Variants in GATM observed in about 807,000 individuals in gnomAD.
GATM encodes the protein glycine amidinotransferase, also known as glycine amidinotransferase, mitochondrial.
Under a neutral mutation model 54.2 loss-of-function variants are expected in GATM, and 23 were observed. That is an observed-to-expected ratio of 0.42 (90% CI 0.31 to 0.60). GATM has a LOEUF of 0.60. Ranked by LOEUF, GATM falls within the 20% of genes least tolerant of loss-of-function variation. The pLI is 0.14. For missense variants in GATM, 401 were observed against 544.9 expected (o/e 0.74, Z 2.63); for synonymous variants, 168 against 183.1 (o/e 0.92, Z 0.67).
At chr15:45,370,784 T>G (rs1035139779) in intron 2 of GATM, among the ~76,000 whole-genome samples, 5 of 152,202 alleles carry the variant, frequency 3.3e-5, no homozygotes, top group Non-Finnish European at 1.5e-5. Context: ...TTTGTTTTTG[T>G]TTTTGAGATG....
chr15:45,377,233 T>A (rs779921726), intron 1 of GATM: 1 of 488,962 alleles, frequency 2.0e-6, no homozygotes, highest in Admixed American at 2.1e-5. Context: ...CGGAACCTCC[T>A]TTTCCCTTAA....
intron 3 of GATM, among the ~76,000 whole-genome samples, chr15:45,390,103 C>A (rs1039832200): frequency 6.6e-5 from 10 of 152,172 alleles, no homozygotes; most frequent in Non-Finnish European, 1.2e-4. Flanking sequence ...CCGCCTGCCA[C>A]AGCCTCCCAA....
In GATM at chr15:45,376,834, GAA is replaced by G. The variant is rs1889645748; in HGVS notation, c.70-17_70-16del. The G allele has an allele frequency of 1.9e-6, 3 of 1,607,226 alleles. No homozygotes were observed. The highest frequency in any genetic ancestry group is 2.6e-6 in the Non-Finnish European group (3 of 1,176,096). The stretch of plus-strand genomic sequence containing the variant: ...GTTCGTCCAAGCTTCCAAGAACAAA[GAA>G]AAGATTATTGTATTGCATTGCTCTA... On this transcript the variant is annotated splice_polypyrimidine_tract_variant and intron_variant, in intron 1 of 8. Coordinates refer to ENST00000396659, the MANE Select transcript of GATM (RefSeq NM_001482.3).
At chr15:45,392,166 T>C (rs1172250364) in intron 3 of GATM, among the ~76,000 whole-genome samples, 1 of 152,228 alleles carries the variant, frequency 6.6e-6, no homozygotes, top group East Asian at 1.9e-4. Context: ...TGTTAGCTAC[T>C]GTTGTTATTA....
intron 8 of GATM, among the ~76,000 whole-genome samples, chr15:45,363,298 T>A (rs969281277): frequency 2.0e-5 from 3 of 152,092 alleles, no homozygotes; most frequent in Admixed American, 1.3e-4. Context: ...TTATAATAGC[T>A]CATATGAAAA....
intron 3 of GATM, among the ~76,000 whole-genome samples, chr15:45,394,656 G>T (rs937710991): frequency 2.0e-5 from 3 of 152,188 alleles, no homozygotes; most frequent in African/African-American, 7.2e-5. Flanking sequence ...TAAAGAAGTG[G>T]GACAAAGAAA....
intron 4 of GATM, among the ~76,000 whole-genome samples, chr15:45,367,532 C>A (rs1595483097): frequency 6.6e-6 from 1 of 152,070 alleles, no homozygotes; most frequent in African/African-American, 2.4e-5. Context: ...AAAACTAATT[C>A]ATTATTTATT....
At chr15:45,382,702 A>G (rs1194235055), upstream of GATM, among the ~76,000 whole-genome samples, 2 of 152,152 alleles carry the variant, frequency 1.3e-5, no homozygotes, top group African/African-American at 4.8e-5. Flanking sequence ...CTGAGGCAGG[A>G]GAATTGCTTG....
At chr15:45,382,245 C>T (rs1889750045), upstream of GATM, among the ~76,000 whole-genome samples, 1 of 152,176 alleles carries the variant, frequency 6.6e-6, no homozygotes, top group Admixed American at 6.5e-5. Flanking sequence ...AAACTATTCA[C>T]CTCCTCTAAC....
At chr15:45,378,289 G>T in intron 1 of GATM, 96 bp downstream of exon 1, 1 of 924,936 alleles carries the variant, frequency 1.1e-6, no homozygotes, top group Non-Finnish European at 1.6e-6. Flanking sequence ...GCGAGGGAAG[G>T]TGGCGGCTCC....
At chr15:45,397,281 T>C (rs1291413700) in intron 2 of GATM, 2 of 152,044 alleles carry the variant, frequency 1.3e-5, no homozygotes, top group Non-Finnish European at 2.9e-5. Context: ...TCTTTTGTTC[T>C]ACCAAGGCAA....
Position 45,376,714 on chromosome 15 carries a change from G to C in GATM, c.175C>G (p.Pro59Ala). ...GAGACAGGGCAGTCCTTGGGCAGAGGCTCAGTGGCTTTGTCGTCAGCTGCA... is the reference window on the plus strand; with the variant it reads ...GAGACAGGGCAGTCCTTGGGCAGAGCCTCAGTGGCTTTGTCGTCAGCTGCA... Reference protein sequence around the residue: ...SCAADDKATEPLPKDCPVSSY... With the variant: ...SCAADDKATEALPKDCPVSSY... Residue 59 changes from proline (P) to alanine (A), a missense_variant, in exon 2 of 9, where the codon CCT becomes GCT. Transcript: ENST00000396659. The C allele has an allele frequency of 6.2e-7, 1 of 1,614,196 alleles. No homozygotes were observed. The highest frequency in any genetic ancestry group is 8.5e-7 in the Non-Finnish European group (1 of 1,180,036).
At chr15:45,391,144 C>T (rs1442518486) in intron 3 of GATM, among the ~76,000 whole-genome samples, 1 of 152,100 alleles carries the variant, frequency 6.6e-6, no homozygotes, top group Non-Finnish European at 1.5e-5. Flanking sequence ...GTGGCTCATG[C>T]CTGTAATCCC....
At chr15:45,388,060 C>T (rs1179787109) in intron 3 of GATM, among the ~76,000 whole-genome samples, 1 of 152,104 alleles carries the variant, frequency 6.6e-6, no homozygotes, top group Admixed American at 6.5e-5. Context: ...GTTGCCCAGG[C>T]TGGTCTTGAA....
chr15:45,365,932 G>C, intron 6 of GATM, 114 bp downstream of exon 6: 1 of 977,004 alleles, frequency 1.0e-6, no homozygotes, highest in Non-Finnish European at 1.6e-6. Context: ...GTTGAGTACT[G>C]CTGAATCTGT....
At chr15:45,380,327 G>T (rs971191428), upstream of GATM, among the ~76,000 whole-genome samples, 3 of 151,512 alleles carry the variant, frequency 2.0e-5, no homozygotes, top group Non-Finnish European at 4.4e-5. Flanking sequence ...GCCATAATAT[G>T]GTGAAAGGAG....
chr15:45,378,480 G>C lies in GATM; in HGVS notation c.-27C>G. 7.1e-7 allele frequency: 1 copy of C among 1,418,134 alleles called. No homozygotes were observed. Among genetic ancestry groups the C allele is most frequent in the Non-Finnish European group, 9.2e-7 (1 of 1,091,436 alleles). The allele number at this position is 1,418,134 out of a possible 1,614,324, so 87.8% of individuals were successfully genotyped here. A position where few individuals can be genotyped will look rare whatever the true frequency, so the allele number is the denominator to read the frequency against. On this transcript the variant is annotated 5_prime_UTR_variant, in exon 1 of 9. Coordinates refer to ENST00000396659, the MANE Select transcript of GATM (RefSeq NM_001482.3). ...GCCCTGGCCCGGCTGGTCCACGCGC[G>C]GAATGTTCCTGGCCTCTGGGCCGCG...
chr15:45,388,335 G>A (rs907193813), intron 3 of GATM, among the ~76,000 whole-genome samples: 1 of 152,064 alleles, frequency 6.6e-6, no homozygotes, highest in East Asian at 1.9e-4. Context: ...TACACCCATC[G>A]CCCTGTTTTG....
At position 45,400,903 on chromosome 15, in the gene GATM, C is replaced by T. The variant is rs553505109; in HGVS notation, c.-530+1036G>A. On this transcript the variant is annotated intron_variant, in intron 1 of 4. Coordinates refer to the GATM transcript ENST00000561148. ...TAGAAGGAACTCGATGAGGTACAGG[C>T]TTCTGATAAAATAACTTGATAGGCA... is the stretch of plus-strand genomic sequence containing the variant. Among the ~76,000 whole-genome samples, 5 of 152,284 alleles carry T rather than the reference C, an allele frequency of 3.3e-5. No individual in the cohort carries two copies. The South Asian group carries it at 1.0e-3, about 32-fold the overall frequency.
Sources: allele counts gnomAD v4.1 joint callset (sites outside exome capture counted in the v4.1 genomes callset), GRCh38; gene constraint gnomAD v4.1.1; transcripts MANE v1.5; gene names NCBI Gene and HGNC (gene_info 2026-07-23, HGNC 2026-07-21).